The following PCDH7 variants were observed in gnomAD, a reference collection of about 807,000 sequenced individuals.
PCDH7 encodes protocadherin-7.
In PCDH7, 17 loss-of-function variants were observed where a neutral mutation model predicts 58.9. That is an observed-to-expected ratio of 0.29 (90% CI 0.20 to 0.43). PCDH7 has a LOEUF of 0.43. PCDH7 is among the 20% of genes least tolerant of loss of function. The probability of loss-of-function intolerance (pLI) is 1.00; values close to 1 mark genes in which losing one functional copy is unlikely to be tolerated. For missense variants in PCDH7, 1,274 were observed against 1,441.0 expected (o/e 0.88, Z 1.88); for synonymous variants, 664 against 616.4 (o/e 1.08, Z -1.14).
chr4:30,957,278 A>G, intron 3 of PCDH7, among the ~76,000 whole-genome samples: 1 of 152,192 alleles, frequency 6.6e-6, no homozygotes, highest in East Asian at 1.9e-4. Flanking sequence ...AAAGAATTAT[A>G]AACACAAGCA....
At chr4:31,066,358 A>G (rs2109245519) in intron 3 of PCDH7, among the ~76,000 whole-genome samples, 1 of 152,024 alleles carries the variant, frequency 6.6e-6, no homozygotes, top group South Asian at 2.1e-4. Flanking sequence ...ATAAGGATAA[A>G]TATATTAAGT....
chr4:30,787,718 G>A (rs1423178355), intron 1 of PCDH7, among the ~76,000 whole-genome samples: 1 of 152,052 alleles, frequency 6.6e-6, no homozygotes, highest in Non-Finnish European at 1.5e-5. Context: ...TTGCTCAATT[G>A]AAGATACTGT....
chr4:31,126,481 A>G (rs546709878), intron 3 of PCDH7, among the ~76,000 whole-genome samples: 137 of 152,192 alleles, frequency 9.0e-4, no homozygotes, highest in African/African-American at 3.2e-3. Flanking sequence ...TGTATGAATA[A>G]ATATAGTTTT....
intron 3 of PCDH7, among the ~76,000 whole-genome samples, chr4:31,096,935 T>G (rs1210053948): frequency 2.0e-5 from 3 of 147,202 alleles, no homozygotes; most frequent in Non-Finnish European, 4.5e-5. Context: ...GTGTTGTGAA[T>G]AAGATTTTCT....
At chr4:31,008,935 G>C (rs1205342566) in intron 3 of PCDH7, among the ~76,000 whole-genome samples, 1 of 151,860 alleles carries the variant, frequency 6.6e-6, no homozygotes, top group Non-Finnish European at 1.5e-5. Flanking sequence ...AAGTCCCCTG[G>C]CTGTTACCTA....
chr4:30,911,667 T>A (rs995196783), intron 1 of PCDH7, among the ~76,000 whole-genome samples: 5 of 152,174 alleles, frequency 3.3e-5, no homozygotes, highest in Non-Finnish European at 7.4e-5. Context: ...TTGGCTATTC[T>A]GTTTCCTGAC....
intron 3 of PCDH7, among the ~76,000 whole-genome samples, chr4:31,022,067 T>C (rs1754070209): frequency 6.6e-6 from 1 of 152,148 alleles, no homozygotes; most frequent in Non-Finnish European, 1.5e-5. Context: ...TAAAGAACAC[T>C]TCCTTTGAAT....
intron 2 of PCDH7, among the ~76,000 whole-genome samples, chr4:30,949,727 G>A (rs563685853): frequency 9.9e-4 from 151 of 152,206 alleles, no homozygotes; most frequent in Admixed American, 2.7e-3. Context: ...GACAGAATGA[G>A]ATGATAATCC....
chr4:31,007,778 T>C (rs914028997), intron 3 of PCDH7, among the ~76,000 whole-genome samples: 1 of 152,182 alleles, frequency 6.6e-6, no homozygotes, highest in Non-Finnish European at 1.5e-5. Context: ...AATAATTAAA[T>C]ATGTATTTAT....
At chr4:30,923,245 T>C (rs187553992) in intron 2 of PCDH7, among the ~76,000 whole-genome samples, 55 of 152,304 alleles carry the variant, frequency 3.6e-4, no homozygotes, top group African/African-American at 1.3e-3. Context: ...GTTTAGAAGA[T>C]AATTTCTAGT....
At chr4:30,995,082 A>T (rs748350644) in intron 3 of PCDH7, among the ~76,000 whole-genome samples, 6 of 152,234 alleles carry the variant, frequency 3.9e-5, no homozygotes, top group Non-Finnish European at 8.8e-5. Context: ...CTTAGAATTA[A>T]TATCATTTTA....
chr4:31,107,991 C>T (rs771948100), intron 3 of PCDH7, among the ~76,000 whole-genome samples: 3 of 152,112 alleles, frequency 2.0e-5, no homozygotes, highest in Non-Finnish European at 4.4e-5. Context: ...AATGAACCAA[C>T]ACTTAAGGTA....
At chr4:30,876,134 T>C (rs988743863) in intron 1 of PCDH7, among the ~76,000 whole-genome samples, 8 of 152,102 alleles carry the variant, frequency 5.3e-5, no homozygotes, top group African/African-American at 1.9e-4. Flanking sequence ...TCCTGGCCAC[T>C]CACATGTTTG....
intron 1 of PCDH7, among the ~76,000 whole-genome samples, chr4:30,911,331 C>CCA (rs1741735269): frequency 1.1e-5 from 1 of 94,034 alleles, no homozygotes; most frequent in Non-Finnish European, 2.1e-5. Flanking sequence ...CCCCCCCCCC[C>CCA]AAAAAAAAGA....
intron 1 of PCDH7, among the ~76,000 whole-genome samples, chr4:30,878,397 G>A (rs902470224): frequency 2.6e-5 from 4 of 152,128 alleles, no homozygotes; most frequent in African/African-American, 4.8e-5. Flanking sequence ...GTTAGGAAGT[G>A]TCTTTCTGAG....
intron 1 of PCDH7, among the ~76,000 whole-genome samples, chr4:30,848,066 T>C (rs979094459): frequency 2.0e-5 from 3 of 152,198 alleles, no homozygotes; most frequent in African/African-American, 7.2e-5. Context: ...TTGGATTATT[T>C]ATGTAAATGG....
intron 1 of PCDH7, among the ~76,000 whole-genome samples, chr4:30,816,327 T>G (rs889839318): frequency 9.8e-5 from 15 of 152,350 alleles, no homozygotes; most frequent in African/African-American, 3.4e-4. Context: ...TTCTAAAATC[T>G]CTGAAGTACT....
chr4:30,818,597 C>T (rs1318452651), intron 1 of PCDH7, among the ~76,000 whole-genome samples: 1 of 152,030 alleles, frequency 6.6e-6, no homozygotes, highest in African/African-American at 2.4e-5. Flanking sequence ...ACATAGTAAC[C>T]CTCAGATTTG....
intron 1 of PCDH7, among the ~76,000 whole-genome samples, chr4:30,862,596 A>G (rs117950006): frequency 6.6e-6 from 1 of 152,292 alleles, no homozygotes; most frequent in East Asian, 1.9e-4. Context: ...CCAAGATAAT[A>G]TCTTATGCCA....
Sources: allele counts gnomAD v4.1 joint callset (sites outside exome capture counted in the v4.1 genomes callset), GRCh38; gene constraint gnomAD v4.1.1; transcripts MANE v1.5; gene names NCBI Gene and HGNC (gene_info 2026-07-23, HGNC 2026-07-21).